Variants in XXYLT1 observed in about 807,000 individuals in gnomAD.
XXYLT1 encodes the protein UDP-xylose:alpha-xyloside alpha-1,3-xylosyltransferase.
In XXYLT1, 20 loss-of-function variants were observed where a neutral mutation model predicts 28.9. The ratio of observed to expected loss-of-function variants is 0.69; its 90% CI spans 0.49 to 1.00. XXYLT1 has a LOEUF of 1.00. Among genes scored for constraint, XXYLT1 ranks in the 50% least tolerant of loss-of-function variants. The pLI is 0.00. For synonymous variants in XXYLT1, 257 were observed against 253.8 expected (o/e 1.01, Z -0.12); for missense variants, 542 against 560.1 (o/e 0.97, Z 0.33).
chr3:195,238,259 T>A (rs1724637287), intron 1 of XXYLT1, among the ~76,000 whole-genome samples: 1 of 152,118 alleles, frequency 6.6e-6, no homozygotes, highest in Non-Finnish European at 1.5e-5. Flanking sequence ...CTTCCCACCG[T>A]CTGTAATTAC....
chr3:195,229,335 T>C (rs1190388992), intron 1 of XXYLT1, among the ~76,000 whole-genome samples: 1 of 152,202 alleles, frequency 6.6e-6, no homozygotes, highest in South Asian at 2.1e-4. Flanking sequence ...TGCATAATAA[T>C]CATATCAAGG....
At chr3:195,071,825 T>A (rs1204904713) in intron 3 of XXYLT1, among the ~76,000 whole-genome samples, 1 of 152,034 alleles carries the variant, frequency 6.6e-6, no homozygotes, top group Non-Finnish European at 1.5e-5. Flanking sequence ...ACCCTCTGAC[T>A]AGGGGCAGTG....
chr3:195,245,323 G>T (rs2108831460), intron 1 of XXYLT1, among the ~76,000 whole-genome samples: 1 of 151,808 alleles, frequency 6.6e-6, no homozygotes, highest in East Asian at 2.0e-4. Flanking sequence ...ACCACGCCCA[G>T]CTAGTTTTGT....
At chr3:195,187,083 C>T (rs114373772) in intron 2 of XXYLT1, among the ~76,000 whole-genome samples, 5 of 150,846 alleles carry the variant, frequency 3.3e-5, no homozygotes, top group East Asian at 2.0e-4. Context: ...TTAATAGAGA[C>T]GGGAATTAGC....
At chr3:195,206,337 GGAAA>G (rs146700940) in intron 2 of XXYLT1, among the ~76,000 whole-genome samples, 2,596 of 151,252 alleles carry the variant, frequency 0.017, 86 homozygotes, top group African/African-American at 0.059. Context: ...AGAGAGAATG[GGAAA>G]GACTCAAGAG....
chr3:195,220,579 C>G (rs948389296), intron 2 of XXYLT1, among the ~76,000 whole-genome samples: 3 of 152,222 alleles, frequency 2.0e-5, no homozygotes, highest in African/African-American at 2.4e-5. Flanking sequence ...GACTCCTACT[C>G]TCTCTGATAC....
intron 3 of XXYLT1, among the ~76,000 whole-genome samples, chr3:195,097,120 C>T (rs1457465109): frequency 1.3e-5 from 2 of 152,262 alleles, no homozygotes; most frequent in African/African-American, 2.4e-5. Context: ...ACATATAGGC[C>T]GGTTCATTTT....
chr3:195,152,744 G>A (rs1414065399), intron 3 of XXYLT1: 4 of 152,174 alleles, frequency 2.6e-5, no homozygotes, highest in African/African-American at 9.7e-5. Flanking sequence ...GTGCCCTTTT[G>A]AGGTAAAGTA....
rs557441166 is a variant in XXYLT1, at chr3:195,175,552, G to T, written c.653-18971C>A. 16 of 1,531,614 alleles carry T rather than the reference G, an allele frequency of 1.0e-5. No individual in the cohort carries two copies. The Admixed American group carries it at 3.2e-4, about 30-fold the overall frequency. 94.9% of individuals were successfully genotyped at this position (1,531,614 alleles called of 1,614,324 possible). On this transcript the variant is annotated intron_variant, in intron 2 of 3. Transcript: ENST00000310380. ...GCTGTTCAGATGGAGATTCCTAGGG[G>T]TAGTTAGGACACAGGTCTGGGTGTT...
intron 3 of XXYLT1, among the ~76,000 whole-genome samples, chr3:195,125,172 C>T (rs903374434): frequency 3.3e-5 from 5 of 152,254 alleles, no homozygotes; most frequent in Non-Finnish European, 7.3e-5. Context: ...AAGACAGTGA[C>T]GTCAGAGACA....
chr3:195,187,944 C>T (rs1460788408), intron 2 of XXYLT1, among the ~76,000 whole-genome samples: 2 of 152,078 alleles, frequency 1.3e-5, no homozygotes, highest in Admixed American at 6.5e-5. Flanking sequence ...AAGTAAATCC[C>T]TCCTCTCTCA....
At chr3:195,147,633 G>T (rs184285217) in intron 3 of XXYLT1, among the ~76,000 whole-genome samples, 1 of 152,192 alleles carries the variant, frequency 6.6e-6, no homozygotes, top group African/African-American at 2.4e-5. Context: ...AAAACTGAAT[G>T]TGAAAGTAAC....
Position 195,152,065 on chromosome 3 carries a change from A to G in XXYLT1, c.785+4384T>C, listed in dbSNP as rs78283653. Among the ~76,000 whole-genome samples the G allele has an allele frequency of 7.5e-3, 1,136 of 152,360 alleles. 15 individuals are homozygous for G. Among genetic ancestry groups the G allele is most frequent in the African/African-American group, 0.025 (1,056 of 41,592 alleles). On this transcript the variant is annotated intron_variant, in intron 3 of 3. Coordinates refer to ENST00000310380, the MANE Select transcript of XXYLT1 (RefSeq NM_152531.5). Reference sequence around the variant, plus strand: ...AATCCAGTGACTCACAAAGTGTCACATGGGGAATTCACTTCTGAGTACGAC... The same window carrying G: ...AATCCAGTGACTCACAAAGTGTCACGTGGGGAATTCACTTCTGAGTACGAC...
chr3:195,108,697 T>C (rs969298424), intron 3 of XXYLT1, among the ~76,000 whole-genome samples: 4 of 152,242 alleles, frequency 2.6e-5, no homozygotes, highest in Non-Finnish European at 5.9e-5. Flanking sequence ...ATACTGTAGA[T>C]GCCTGTAACA....
chr3:195,186,417 T>C (rs937156251), intron 2 of XXYLT1, among the ~76,000 whole-genome samples: 2 of 152,216 alleles, frequency 1.3e-5, no homozygotes, highest in Non-Finnish European at 2.9e-5. Flanking sequence ...TTCAAGGCCC[T>C]GAATAGCCTG....
Position 195,176,426 on chromosome 3 carries a change from A to C in XXYLT1, c.653-19845T>G, listed in dbSNP as rs113152890. Among the ~76,000 whole-genome samples the C allele has an allele frequency of 0.02, 2,999 of 152,262 alleles. 103 individuals are homozygous for C. The highest frequency in any genetic ancestry group is 0.069 in the African/African-American group (2,865 of 41,542). On this transcript the variant is annotated intron_variant, in intron 2 of 3. Coordinates refer to ENST00000310380, the MANE Select transcript of XXYLT1 (RefSeq NM_152531.5). This position sits in a 1 kb window ranked among gnomAD's most constrained non-coding sequence, Gnocchi z 4.9. ...AGTAATTCTGATCCTCTGTGATCAC[A>C]CTTCTCCCCCATGATCTGAAAAGAA...
chr3:195,118,835 G>A (rs1434194050), intron 3 of XXYLT1, among the ~76,000 whole-genome samples: 2 of 152,202 alleles, frequency 1.3e-5, no homozygotes, highest in African/African-American at 2.4e-5. Flanking sequence ...CGAAGGAGGT[G>A]ACGTAGTAAA....
chr3:195,228,830 G>A (rs556856497), intron 1 of XXYLT1, among the ~76,000 whole-genome samples: 2 of 136,156 alleles, frequency 1.5e-5, no homozygotes, highest in South Asian at 2.2e-4. Flanking sequence ...TTTTTTTTTC[G>A]AGACAGAGTT....
chr3:195,218,581 C>T (rs1723680667), intron 2 of XXYLT1, among the ~76,000 whole-genome samples: 2 of 151,932 alleles, frequency 1.3e-5, no homozygotes, highest in Admixed American at 6.6e-5. Flanking sequence ...TCATCACTGG[C>T]CATCAGAGAA....
Sources: allele counts gnomAD v4.1 joint callset (sites outside exome capture counted in the v4.1 genomes callset), GRCh38; gene constraint gnomAD v4.1.1; non-coding constraint Gnocchi (gnomAD v3.1); transcripts MANE v1.5; gene names NCBI Gene and HGNC (gene_info 2026-07-23, HGNC 2026-07-21).